BORCS5: variants seen among roughly 807,000 people sequenced by gnomAD.
The protein encoded by BORCS5 is BLOC-1-related complex subunit 5.
BORCS5 carries 17 observed loss-of-function variants against 22.1 expected under a neutral mutation model. The ratio of observed to expected loss-of-function variants is 0.77; its 90% confidence interval spans 0.53 to 1.15. The LOEUF (loss-of-function observed/expected upper bound fraction) is 1.15, where lower values mean the gene tolerates loss of function less well. BORCS5 is among the 50% of genes most tolerant of loss of function. The pLI, the probability that BORCS5 is intolerant of heterozygous loss-of-function variation, is 0.00. For missense variants in BORCS5, 247 were observed against 253.2 expected (o/e 0.98, Z 0.17); for synonymous variants, 117 against 99.8 (o/e 1.17, Z -1.03).
At chr12:12,361,710 G>A (rs1443143660) in intron 2 of BORCS5, among the ~76,000 whole-genome samples, 3 of 152,152 alleles carry the variant, frequency 2.0e-5, no homozygotes, top group Admixed American at 2.0e-4. Context: ...AATGAATGAG[G>A]TTGGAAATGG....
chr12:12,433,738 C>A (rs1427476828), intron 2 of BORCS5, among the ~76,000 whole-genome samples: 1 of 152,162 alleles, frequency 6.6e-6, no homozygotes, highest in Non-Finnish European at 1.5e-5. Flanking sequence ...TGTGTTAGGA[C>A]TTGTAGTGCA....
chr12:12,438,365 A>AAAAACAAAAAAC lies in BORCS5; in HGVS notation c.360+2584_360+2585insCAAAAAACAAAA, dbSNP rs1320971459. 3.8e-3 allele frequency among the ~76,000 whole-genome samples: 451 copies of AAAAACAAAAAAC among 118,120 alleles called. 16 individuals carry two copies. Among genetic ancestry groups the AAAAACAAAAAAC allele is most frequent in the African/African-American group, 0.019 (423 of 22,676 alleles). The allele number at this position is 118,120 out of a possible 152,430, so 77.5% of individuals were successfully genotyped here. A position where few individuals can be genotyped will look rare whatever the true frequency, so the allele number is the denominator to read the frequency against. The stretch of plus-strand genomic sequence containing the variant: ...GACAGAGCCAGATTTCATCTCAAAA[A>AAAAACAAAAAAC]AAAAAAAAAAAAAAACGAAAAACAA... On this transcript the variant is annotated intron_variant, in intron 3 of 3. Coordinates refer to ENST00000314565, the MANE Select transcript of BORCS5 (RefSeq NM_058169.6).
At chr12:12,462,178 T>TA (rs1943118193) in intron 3 of BORCS5, among the ~76,000 whole-genome samples, 1 of 152,250 alleles carries the variant, frequency 6.6e-6, no homozygotes. Flanking sequence ...AGCTCACACT[T>TA]ACCCAGTGCT....
intron 2 of BORCS5, among the ~76,000 whole-genome samples, chr12:12,407,520 T>C (rs116324370): frequency 0.025 from 3,852 of 152,210 alleles, 76 homozygotes; most frequent in African/African-American, 0.052. Flanking sequence ...TTAATCCTTT[T>C]TGAGTGTACA....
At chr12:12,429,377 C>T (rs1020518126) in intron 2 of BORCS5, among the ~76,000 whole-genome samples, 4 of 152,172 alleles carry the variant, frequency 2.6e-5, no homozygotes, top group Non-Finnish European at 4.4e-5. Flanking sequence ...AACTTTGTTG[C>T]TTCAGGAATG....
At chr12:12,389,002 C>A (rs1863941927) in intron 2 of BORCS5, among the ~76,000 whole-genome samples, 1 of 151,022 alleles carries the variant, frequency 6.6e-6, no homozygotes, top group Admixed American at 6.6e-5. Flanking sequence ...GGTGACATTC[C>A]TTGAGTCTCA....
chr12:12,428,370 T>TCTGTAC (rs1178742074), intron 2 of BORCS5, among the ~76,000 whole-genome samples: 1 of 152,226 alleles, frequency 6.6e-6, no homozygotes, highest in Non-Finnish European at 1.5e-5. Context: ...GTTTGCTGGA[T>TCTGTAC]CTCTGGAATA....
At chr12:12,435,285 G>A (rs1389971259) in intron 2 of BORCS5, among the ~76,000 whole-genome samples, 1 of 152,180 alleles carries the variant, frequency 6.6e-6, no homozygotes, top group African/African-American at 2.4e-5. Flanking sequence ...AAGGTCAGGA[G>A]CTCTGTTCTT....
intron 2 of BORCS5, among the ~76,000 whole-genome samples, chr12:12,361,937 A>T (rs1863295790): frequency 6.6e-6 from 1 of 152,224 alleles, no homozygotes; most frequent in South Asian, 2.1e-4. Context: ...AACGAAGGCC[A>T]CAACTTTATT....
intron 2 of BORCS5, among the ~76,000 whole-genome samples, chr12:12,413,891 C>T (rs1823448978): frequency 1.7e-5 from 1 of 58,962 alleles, no homozygotes; most frequent in South Asian, 4.0e-4. Flanking sequence ...GGGGCTGACC[C>T]CCCCACCTCC....
In BORCS5 at chr12:12,466,705, CAA is replaced by C. The variant is rs1021812691; in HGVS notation, c.*931_*932del. ...CTAATGGAAGCAAGGACTGGAGAAG[CAA>C]AGAGTGGAATGTGAGGAGCAGACCT... On this transcript the variant is annotated 3_prime_UTR_variant, in exon 4 of 4. Transcript: ENST00000314565. 6.6e-6 allele frequency: 1 copy of C among 152,250 alleles called. No homozygotes were observed. The highest frequency in any genetic ancestry group is 1.5e-5 in the Non-Finnish European group (1 of 68,124). 9.4% of individuals were successfully genotyped at this position (152,250 alleles called of 1,614,324 possible).
rs1001957798 is a variant in BORCS5, at chr12:12,457,560, G to T, written c.361-7986G>T. ...GGTGGGCGCCTGTAGTCCCAGCTAC[G>T]CGGGAGGCTGAGGCAGGAGAATGGC... On this transcript the variant is annotated intron_variant, in intron 3 of 3. Coordinates refer to ENST00000314565, the MANE Select transcript of BORCS5 (RefSeq NM_058169.6). 7.2e-5 allele frequency among the ~76,000 whole-genome samples: 11 copies of T among 152,150 alleles called. No individual in the cohort carries two copies. The South Asian group carries it at 1.0e-3, about 14-fold the overall frequency.
chr12:12,372,291 C>G (rs762143839), intron 2 of BORCS5, among the ~76,000 whole-genome samples: 3 of 152,164 alleles, frequency 2.0e-5, no homozygotes, highest in Non-Finnish European at 4.4e-5. Flanking sequence ...CCACCTGCCT[C>G]GGCTTCCTAA....
intron 1 of BORCS5, 134 bp downstream of exon 1, chr12:12,357,643 A>AG (rs1863175220): frequency 1.1e-6 from 1 of 916,650 alleles, no homozygotes; most frequent in East Asian, 3.1e-5. Flanking sequence ...TAGGAAAAAA[A>AG]AAAAGTCACC....
rs1346446273 is a variant in BORCS5 at position 12,361,291 on chromosome 12, C to A, written c.144C>A (p.Ser48Arg). Residue 48 changes from serine (S) to arginine (R), a missense_variant, in exon 2 of 4, where the codon AGC (serine) becomes AGA (arginine). Coordinates refer to ENST00000314565, the MANE Select transcript of BORCS5 (RefSeq NM_058169.6). ...AQGSQASRNV[S>R]NDPDVIKLQE... Reference sequence around the variant, plus strand: ...GCTCCCAGGCCTCACGGAACGTCAGCAACGATCCCGATGTCATCAAGTTGC... The same window carrying A: ...GCTCCCAGGCCTCACGGAACGTCAGAAACGATCCCGATGTCATCAAGTTGC... 6.2e-7 allele frequency: 1 copy of A among 1,614,046 alleles called. No individual in the cohort carries two copies. The highest frequency in any genetic ancestry group is 1.7e-5 in the Admixed American group (1 of 59,992).
chr12:12,369,707 C>T (rs561705052), intron 2 of BORCS5, among the ~76,000 whole-genome samples: 155 of 127,028 alleles, frequency 1.2e-3, no homozygotes, highest in African/African-American at 5.9e-3. Flanking sequence ...ATTCACCCCC[C>T]ACTTCTTTTT....
intron 2 of BORCS5, among the ~76,000 whole-genome samples, chr12:12,371,740 G>A (rs1029969691): frequency 3.3e-5 from 5 of 152,212 alleles, no homozygotes; most frequent in East Asian, 1.9e-4. Context: ...TTTGTGGGAC[G>A]CCAATTCGAT....
At position 12,364,540 on chromosome 12, in the gene BORCS5, G is replaced by A. The variant is rs183565731; in HGVS notation, c.202+3191G>A. 5.4e-4 allele frequency among the ~76,000 whole-genome samples: 82 copies of A among 152,284 alleles called. 1 individual carries two copies. In the South Asian group the frequency reaches 0.011, roughly 21 times the overall value. Reference sequence around the variant, plus strand: ...GTGGCAGAGGCAGAAGAAAATCTACGTATAAGTGGACCCACGTGGTTCAGA... The same window carrying A: ...GTGGCAGAGGCAGAAGAAAATCTACATATAAGTGGACCCACGTGGTTCAGA... On this transcript the variant is annotated intron_variant, in intron 2 of 3. Coordinates refer to ENST00000314565, the MANE Select transcript of BORCS5 (RefSeq NM_058169.6).
chr12:12,357,344 A>G lies in BORCS5; in HGVS notation c.-108A>G. On this transcript the variant is annotated 5_prime_UTR_variant, in exon 1 of 4. Transcript: ENST00000314565. Reference sequence around the variant, plus strand: ...ACATTAGCCTCGCTGCGGCGCCCAGACTCTGCTTTGCCTCCCCGTCCCGGT... The same window carrying G: ...ACATTAGCCTCGCTGCGGCGCCCAGGCTCTGCTTTGCCTCCCCGTCCCGGT... The G allele has an allele frequency of 6.7e-7, 1 of 1,490,554 alleles. No individual in the cohort carries two copies. The highest frequency in any genetic ancestry group is 1.4e-5 in the African/African-American group (1 of 71,430). 92.3% of individuals were successfully genotyped at this position (1,490,554 alleles called of 1,614,324 possible).
Sources: allele counts gnomAD v4.1 joint callset (sites outside exome capture counted in the v4.1 genomes callset), GRCh38; gene constraint gnomAD v4.1.1; transcripts MANE v1.5; gene names NCBI Gene and HGNC (gene_info 2026-07-23, HGNC 2026-07-21).